Variants in ARIH1 observed in about 807,000 individuals in gnomAD.
ARIH1 encodes E3 ubiquitin-protein ligase ARIH1.
ARIH1 carries 8 observed loss-of-function variants against 85.0 expected under a neutral mutation model. The observed-to-expected ratio is 0.09, with a 90% CI of 0.06 to 0.17. The LOEUF (loss-of-function observed/expected upper bound fraction) is 0.17, where lower values mean the gene tolerates loss of function less well. Among genes scored for constraint, ARIH1 ranks in the 10% least tolerant of loss-of-function variants. The probability of loss-of-function intolerance (pLI) is 1.00; values close to 1 mark genes in which losing one functional copy is unlikely to be tolerated. For missense variants in ARIH1, 311 were observed against 718.1 expected (o/e 0.43, Z 6.48); for synonymous variants, 238 against 253.6 (o/e 0.94, Z 0.59).
At chr15:72,523,703 T>A (rs1195958108) in intron 2 of ARIH1, among the ~76,000 whole-genome samples, 1 of 152,080 alleles carries the variant, frequency 6.6e-6, no homozygotes, top group Non-Finnish European at 1.5e-5. Context: ...TACCACTCTG[T>A]GTTGTTGATA....
At chr15:72,565,365 A>G (rs2140433661) in intron 7 of ARIH1, among the ~76,000 whole-genome samples, 1 of 152,312 alleles carries the variant, frequency 6.6e-6, no homozygotes, top group South Asian at 2.1e-4. Context: ...TGCTGGGATT[A>G]CAGGTGAGAA....
At chr15:72,565,240 A>G (rs1289525425) in intron 7 of ARIH1, among the ~76,000 whole-genome samples, 2 of 151,628 alleles carry the variant, frequency 1.3e-5, no homozygotes, top group Admixed American at 6.6e-5. Flanking sequence ...TTATTTATTT[A>G]TTTGTTTATT....
intron 1 of ARIH1, among the ~76,000 whole-genome samples, chr15:72,488,400 A>C (rs1218452129): frequency 6.6e-6 from 1 of 151,996 alleles, no homozygotes. Context: ...TAACTGCCTG[A>C]TATATTCCTA....
intron 2 of ARIH1, among the ~76,000 whole-genome samples, chr15:72,538,233 G>A (rs990763280): frequency 1.3e-5 from 2 of 152,100 alleles, no homozygotes; most frequent in African/African-American, 4.8e-5. Context: ...AGGAGTGGTG[G>A]CACACATCCG....
chr15:72,518,831 G>A (rs76636836), intron 2 of ARIH1, among the ~76,000 whole-genome samples: 226 of 151,566 alleles, frequency 1.5e-3, no homozygotes, highest in African/African-American at 5.3e-3. Context: ...CCTTTAACCT[G>A]TTATTAGTAG....
At chr15:72,493,876 T>C (rs1224243929) in intron 1 of ARIH1, among the ~76,000 whole-genome samples, 2 of 100,850 alleles carry the variant, frequency 2.0e-5, no homozygotes, top group African/African-American at 5.1e-5. Context: ...TTTTAAAGGA[T>C]TTTAAATTTT....
At chr15:72,491,051 G>T (rs2063857136) in intron 1 of ARIH1, among the ~76,000 whole-genome samples, 6 of 152,144 alleles carry the variant, frequency 3.9e-5, no homozygotes. Context: ...GGGAGGCAGA[G>T]GTTGCAGTGA....
Position 72,490,959 on chromosome 15 carries a change from T to C in ARIH1, c.375+15945T>C, listed in dbSNP as rs539168963. Among the ~76,000 whole-genome samples the C allele has an allele frequency of 2.8e-3, 424 of 151,964 alleles. 1 individual carries two copies. The highest frequency in any genetic ancestry group is 0.01 in the Middle Eastern group (3 of 294). On this transcript the variant is annotated intron_variant, in intron 1 of 13. Transcript: ENST00000379887. The stretch of plus-strand genomic sequence containing the variant: ...GGTGAAACCCCGTGTCTACTAAAAA[T>C]ATAAAAATTAGCCCGGTGTGGTGGT...
At chr15:72,484,474 A>C (rs1181103789) in intron 1 of ARIH1, among the ~76,000 whole-genome samples, 1 of 151,584 alleles carries the variant, frequency 6.6e-6, no homozygotes, top group Non-Finnish European at 1.5e-5. Flanking sequence ...AGGCTTTTGC[A>C]TGCTGATAGC....
intron 2 of ARIH1, among the ~76,000 whole-genome samples, chr15:72,542,042 A>G (rs73444774): frequency 6.6e-6 from 1 of 152,170 alleles, no homozygotes; most frequent in African/African-American, 2.4e-5. Context: ...TTTCCAATAG[A>G]TGAAACAACC....
chr15:72,486,694 C>CTTTTTTTTTTTTTTTTTT (rs34770375), intron 1 of ARIH1, among the ~76,000 whole-genome samples: 1 of 92,850 alleles, frequency 1.1e-5, no homozygotes, highest in Non-Finnish European at 1.9e-5. Flanking sequence ...TTAAAAATGA[C>CTTTTTTTTTTTTTTTTTT]TTTTTTTTTT....
At chr15:72,534,990 G>A (rs1180583926) in intron 2 of ARIH1, among the ~76,000 whole-genome samples, 36 of 51,342 alleles carry the variant, frequency 7.0e-4, no homozygotes, top group African/African-American at 1.0e-3. Context: ...TCTCGCTGTC[G>A]CCCAGGCTGG....
At chr15:72,576,858 T>C (rs2064273700) in intron 11 of ARIH1, among the ~76,000 whole-genome samples, 1 of 152,134 alleles carries the variant, frequency 6.6e-6, no homozygotes, top group African/African-American at 2.4e-5. Flanking sequence ...AAAATCCACA[T>C]ACCACTTTTG....
chr15:72,525,082 G>A (rs1486433247), intron 2 of ARIH1, among the ~76,000 whole-genome samples: 2 of 152,022 alleles, frequency 1.3e-5, no homozygotes, highest in African/African-American at 4.8e-5. Context: ...GTAGAGATGG[G>A]GTTTCATCAT....
chr15:72,577,548 C>G (rs1222215972), intron 11 of ARIH1, among the ~76,000 whole-genome samples: 1 of 151,972 alleles, frequency 6.6e-6, no homozygotes, highest in Non-Finnish European at 1.5e-5. Flanking sequence ...TAGCAGGCGC[C>G]TGTAATCCGA....
intron 1 of ARIH1, among the ~76,000 whole-genome samples, chr15:72,504,756 G>T (rs2063917835): frequency 2.0e-5 from 3 of 152,148 alleles, no homozygotes; most frequent in Non-Finnish European, 4.4e-5. Flanking sequence ...AGGCTTTTTG[G>T]TTTGAAGTTG....
intron 6 of ARIH1, 25 bp from the exon 7 acceptor site, chr15:72,563,369 T>C: frequency 6.2e-7 from 1 of 1,600,378 alleles, no homozygotes; most frequent in African/African-American, 1.3e-5. Context: ...AGCTGTCATT[T>C]TTTATTTTCT....
chr15:72,549,279 G>T (rs8035007), intron 3 of ARIH1, among the ~76,000 whole-genome samples: 5,827 of 151,872 alleles, frequency 0.038, 338 homozygotes, highest in African/African-American at 0.13. Flanking sequence ...GTAGACATGG[G>T]GTTCCACCAT....
intron 2 of ARIH1, among the ~76,000 whole-genome samples, chr15:72,534,943 T>C (rs1167294891): frequency 6.9e-6 from 1 of 144,948 alleles, no homozygotes; most frequent in Non-Finnish European, 1.5e-5. Flanking sequence ...TCCTATGTCT[T>C]CTTATTGTCT....
Sources: gnomAD v4.1 joint callset for allele counts (sites outside exome capture counted in the v4.1 genomes callset) on GRCh38, gnomAD v4.1.1 for gene constraint, MANE v1.5 for transcripts, NCBI Gene and HGNC (gene_info 2026-07-23, HGNC 2026-07-21) for gene names.